Variants in INPP4B observed in about 807,000 individuals in gnomAD.
The protein encoded by INPP4B is inositol polyphosphate-4-phosphatase type II B.
Under a neutral mutation model 122.5 loss-of-function variants are expected in INPP4B, and 55 were observed. The ratio of observed to expected loss-of-function variants is 0.45; its 90% CI spans 0.36 to 0.56. The LOEUF is 0.56. Among genes scored for constraint, INPP4B ranks in the 20% least tolerant of loss-of-function variants. INPP4B has a pLI of 0.00. For missense variants in INPP4B, 1,000 were observed against 1,097.7 expected (o/e 0.91, Z 1.26); for synonymous variants, 403 against 388.7 (o/e 1.04, Z -0.43).
intron 2 of INPP4B, among the ~76,000 whole-genome samples, chr4:142,612,897 T>C (rs1396843605): frequency 3.3e-5 from 5 of 152,224 alleles, no homozygotes; most frequent in African/African-American, 1.2e-4. Flanking sequence ...GCTCAATATG[T>C]TGTCACTTAG....
chr4:142,516,801 G>A (rs1825474556), intron 2 of INPP4B, among the ~76,000 whole-genome samples: 1 of 151,060 alleles, frequency 6.6e-6, no homozygotes, highest in African/African-American at 2.4e-5. Flanking sequence ...ACTACTGGTT[G>A]GCTGCATCCC....
At chr4:142,571,412 G>T (rs1732794711) in intron 2 of INPP4B, among the ~76,000 whole-genome samples, 1 of 152,002 alleles carries the variant, frequency 6.6e-6, no homozygotes, top group Admixed American at 6.6e-5. Context: ...ATTTAATTTG[G>T]TTATATGAAA....
At chr4:142,522,105 A>C (rs1213601307) in intron 2 of INPP4B, among the ~76,000 whole-genome samples, 2 of 152,082 alleles carry the variant, frequency 1.3e-5, no homozygotes, top group African/African-American at 4.8e-5. Flanking sequence ...AACAATGACA[A>C]TATTGCCAAC....
intron 2 of INPP4B, among the ~76,000 whole-genome samples, chr4:142,675,953 C>G (rs949184909): frequency 6.6e-6 from 1 of 152,166 alleles, no homozygotes; most frequent in African/African-American, 2.4e-5. Context: ...AGGATGCCCT[C>G]TCTCACCACT....
In INPP4B at chr4:142,028,816, G is replaced by C; in HGVS notation, c.2741C>G (p.Pro914Arg). 1 of 1,613,190 alleles carries C rather than the reference G, an allele frequency of 6.2e-7. No homozygotes were observed. The highest frequency in any genetic ancestry group is 8.5e-7 in the Non-Finnish European group (1 of 1,179,558). ...AGCTTTTCCATAAGTCCCCTCTGGA[G>C]GTCTGTAGTACTTGGGGAAAGCCAT... is the stretch of plus-strand genomic sequence containing the variant. ...QLMAFPKYYR[P>R]PEGTYGKADT The change falls in exon 26 of 26, where the codon CCT becomes CGT. Residue 914 changes from proline to arginine, a missense_variant. Transcript: ENST00000262992.
At chr4:142,321,581 G>C (rs914515441) in intron 7 of INPP4B, among the ~76,000 whole-genome samples, 3 of 152,084 alleles carry the variant, frequency 2.0e-5, no homozygotes, top group Admixed American at 6.5e-5. Context: ...TTAAGTCTTT[G>C]ATCCATCTTG....
At chr4:142,428,341 C>T (rs10519654) in intron 5 of INPP4B, among the ~76,000 whole-genome samples, 6 of 148,510 alleles carry the variant, frequency 4.0e-5, no homozygotes, top group Admixed American at 2.0e-4. Context: ...TCTCTGTATA[C>T]GAAATTGAAT....
At chr4:142,832,946 G>A (rs74757942) in intron 1 of INPP4B, among the ~76,000 whole-genome samples, 5,149 of 152,220 alleles carry the variant, frequency 0.034, 96 homozygotes, top group Non-Finnish European at 0.041. Context: ...TGAAGTGTAT[G>A]TTGCTTCCCT....
intron 2 of INPP4B, among the ~76,000 whole-genome samples, chr4:142,624,060 T>G (rs930433390): frequency 1.6e-4 from 25 of 151,770 alleles, no homozygotes; most frequent in Admixed American, 1.6e-3. Flanking sequence ...GCAGCATGAT[T>G]TATAGTCCTT....
At chr4:142,246,049 CATTATATATATGT>C (rs1561601298) in intron 11 of INPP4B, among the ~76,000 whole-genome samples, 1 of 72,938 alleles carries the variant, frequency 1.4e-5, no homozygotes, top group East Asian at 6.0e-4. Flanking sequence ...TGTATACACA[CATTATATATATGT>C]GTGTGTGTAT....
At chr4:142,117,226 A>T (rs180834441) in intron 21 of INPP4B, among the ~76,000 whole-genome samples, 11 of 152,238 alleles carry the variant, frequency 7.2e-5, no homozygotes, top group Admixed American at 6.5e-4. Context: ...AAATTCTATC[A>T]GAGGTACAAA....
intron 22 of INPP4B, among the ~76,000 whole-genome samples, chr4:142,112,079 C>A (rs1311239293): frequency 3.3e-5 from 5 of 152,058 alleles, no homozygotes; most frequent in Admixed American, 6.6e-5. Context: ...TATGGGATCA[C>A]AGTACAATCA....
chr4:142,730,964 T>TA (rs1765997327), intron 1 of INPP4B, among the ~76,000 whole-genome samples: 2 of 88,230 alleles, frequency 2.3e-5, no homozygotes, highest in South Asian at 3.2e-4. Flanking sequence ...AAGTTTTTTT[T>TA]TAAATTTAAT....
intron 2 of INPP4B, among the ~76,000 whole-genome samples, chr4:142,541,146 T>C (rs1469631212): frequency 6.6e-6 from 1 of 152,190 alleles, no homozygotes; most frequent in South Asian, 2.1e-4. Flanking sequence ...CTTAAACAGA[T>C]GATATTTAAA....
At chr4:142,263,908 G>A (rs1377221794) in intron 10 of INPP4B, among the ~76,000 whole-genome samples, 2 of 151,764 alleles carry the variant, frequency 1.3e-5, no homozygotes, top group South Asian at 2.1e-4. Context: ...AGTTGGCAAC[G>A]TACCTGAAAT....
chr4:142,646,274 A>T (rs183872775), intron 2 of INPP4B, among the ~76,000 whole-genome samples: 1 of 152,342 alleles, frequency 6.6e-6, no homozygotes, highest in African/African-American at 2.4e-5. Context: ...CTAACAGCCT[A>T]ACACAGAGAA....
chr4:142,202,595 T>C (rs1841116430), intron 14 of INPP4B: 1 of 200,734 alleles, frequency 5.0e-6, no homozygotes, highest in Non-Finnish European at 8.9e-6. Context: ...ATGTAGAGAT[T>C]ATAAAATGAA....
chr4:142,324,851 G>GA (rs1183846844), intron 7 of INPP4B, among the ~76,000 whole-genome samples: 4 of 151,994 alleles, frequency 2.6e-5, no homozygotes, highest in African/African-American at 4.8e-5. Context: ...TCTCTTCTGA[G>GA]AAAAAAATGG....
chr4:142,461,795 A>C (rs1228710645), intron 3 of INPP4B, among the ~76,000 whole-genome samples: 1 of 148,560 alleles, frequency 6.7e-6, no homozygotes, highest in Non-Finnish European at 1.5e-5. Flanking sequence ...ATTAAGTTAA[A>C]TAAAAGTACA....
Sources: allele counts gnomAD v4.1 joint callset (sites outside exome capture counted in the v4.1 genomes callset), GRCh38; gene constraint gnomAD v4.1.1; transcripts MANE v1.5; gene names NCBI Gene and HGNC (gene_info 2026-07-23, HGNC 2026-07-21).